The following DOCK3 variants were observed in gnomAD, a reference collection of about 807,000 sequenced individuals.
The protein encoded by DOCK3 is dedicator of cytokinesis 3.
Under a neutral mutation model 265.6 loss-of-function variants are expected in DOCK3, and 60 were observed. That is an observed-to-expected ratio of 0.23 (90% CI 0.18 to 0.28). The LOEUF (loss-of-function observed/expected upper bound fraction) is 0.28. Ranked by LOEUF, DOCK3 falls within the 10% of genes least tolerant of loss-of-function variation. The pLI is 1.00. For synonymous variants in DOCK3, 881 were observed against 938.0 expected, an observed-to-expected ratio of 0.94 and a Z score of 1.11; for missense variants, 1,981 against 2,594.3, an observed-to-expected ratio of 0.76 and a Z score of 5.14.
chr3:50,760,837 A>G (rs2040484278), intron 1 of DOCK3, among the ~76,000 whole-genome samples: 1 of 150,892 alleles, frequency 6.6e-6, no homozygotes, highest in Non-Finnish European at 1.5e-5. Context: ...GGCGGAGTGC[A>G]ATGGCGTGAT....
chr3:51,355,121 GT>G (rs1207908201), intron 41 of DOCK3, 98 bp downstream of exon 41: 2 of 1,470,748 alleles, frequency 1.4e-6, no homozygotes, highest in African/African-American at 2.8e-5. Flanking sequence ...AACCATACAG[GT>G]TTAGATATCC....
chr3:50,736,696 CTTTTT>C (rs200155311), intron 1 of DOCK3, among the ~76,000 whole-genome samples: 1 of 128,374 alleles, frequency 7.8e-6, no homozygotes. Flanking sequence ...GCATAAATGT[CTTTTT>C]TTTTTTTTTT....
Position 51,359,640 on chromosome 3 carries a change from T to G in DOCK3, c.4885-871T>G, listed in dbSNP as rs2086595998. On this transcript the variant is annotated intron_variant, in intron 46 of 52. Transcript: ENST00000266037. The surrounding 1 kb of genome is among the most constrained non-coding windows in gnomAD (Gnocchi z 4.8). ...GCCAGTGAGGAGGTTCTCTGCCATG[T>G]GGGTTGCAGCAAAAAGCACAAAACA... Among the ~76,000 whole-genome samples, 1 of 152,200 alleles carries G rather than the reference T, an allele frequency of 6.6e-6. No individual in the cohort carries two copies. Among genetic ancestry groups the G allele is most frequent in the African/African-American group, 2.4e-5 (1 of 41,446 alleles).
chr3:51,205,012 G>C (rs1436287842), intron 12 of DOCK3, among the ~76,000 whole-genome samples: 8 of 148,256 alleles, frequency 5.4e-5, no homozygotes. Context: ...TCTGGGGACT[G>C]TTGTGGGGTG....
intron 1 of DOCK3, among the ~76,000 whole-genome samples, chr3:50,719,159 C>CT (rs576930358): frequency 2.3e-4 from 35 of 149,258 alleles, no homozygotes; most frequent in East Asian, 5.9e-4. Flanking sequence ...CTTGTATTCT[C>CT]TTTTTTTTTA....
intron 12 of DOCK3, among the ~76,000 whole-genome samples, chr3:51,200,790 C>A (rs1301746794): frequency 6.6e-6 from 1 of 151,982 alleles, no homozygotes; most frequent in African/African-American, 2.4e-5. Context: ...TCGGGTTACC[C>A]ACAAAGGGAA....
chr3:50,861,137 G>A (rs2046889576), intron 3 of DOCK3, among the ~76,000 whole-genome samples: 1 of 152,154 alleles, frequency 6.6e-6, no homozygotes, highest in Admixed American at 6.5e-5. Flanking sequence ...ACTTTGCTGG[G>A]TGGTGGAGGA....
chr3:50,777,192 C>T (rs2041653226), intron 1 of DOCK3, among the ~76,000 whole-genome samples: 1 of 152,072 alleles, frequency 6.6e-6, no homozygotes, highest in Admixed American at 6.6e-5. Context: ...AGAGCCAAAC[C>T]ATATCAGTGT....
At chr3:50,896,128 C>T (rs1269030128) in intron 4 of DOCK3, among the ~76,000 whole-genome samples, 3 of 152,168 alleles carry the variant, frequency 2.0e-5, no homozygotes, top group Non-Finnish European at 4.4e-5. Context: ...CTAATTTACA[C>T]TCCCACGAAC....
chr3:50,687,942 A>G (rs1369020182), intron 1 of DOCK3, among the ~76,000 whole-genome samples: 1 of 152,228 alleles, frequency 6.6e-6, no homozygotes. Flanking sequence ...TGCCTTGTCA[A>G]CATTGCTGGA....
At chr3:51,171,133 T>C (rs1249497742) in intron 12 of DOCK3, among the ~76,000 whole-genome samples, 1 of 152,140 alleles carries the variant, frequency 6.6e-6, no homozygotes, top group Non-Finnish European at 1.5e-5. Flanking sequence ...AGATATAACA[T>C]TACATTATTT....
intron 22 of DOCK3, among the ~76,000 whole-genome samples, chr3:51,258,267 T>A (rs1433774394): frequency 6.6e-6 from 1 of 152,208 alleles, no homozygotes; most frequent in Non-Finnish European, 1.5e-5. Context: ...TAGATTTGCC[T>A]ACCTCTCAGG....
At chr3:50,715,338 C>T (rs965731639) in intron 1 of DOCK3, among the ~76,000 whole-genome samples, 1 of 152,028 alleles carries the variant, frequency 6.6e-6, no homozygotes, top group Admixed American at 6.6e-5. Context: ...ATCACTTGAG[C>T]CCAGGAGTTT....
chr3:51,073,672 A>T (rs1009243307), intron 6 of DOCK3, among the ~76,000 whole-genome samples: 8 of 152,150 alleles, frequency 5.3e-5, no homozygotes, highest in African/African-American at 1.9e-4. Flanking sequence ...TGGTTCAAAA[A>T]TTTTTTCTCT....
chr3:50,763,968 T>A (rs541918879), intron 1 of DOCK3, among the ~76,000 whole-genome samples: 1 of 152,342 alleles, frequency 6.6e-6, no homozygotes, highest in Admixed American at 6.5e-5. Context: ...TCAGGACATA[T>A]TTCTTTGTTT....
At chr3:51,145,472 ATT>A (rs1236883421) in intron 9 of DOCK3, among the ~76,000 whole-genome samples, 1 of 152,104 alleles carries the variant, frequency 6.6e-6, no homozygotes, top group Non-Finnish European at 1.5e-5. Context: ...GAGCTGTAAC[ATT>A]TTTTAAGACC....
At chr3:50,696,673 T>C (rs114318273) in intron 1 of DOCK3, among the ~76,000 whole-genome samples, 1,772 of 152,184 alleles carry the variant, frequency 0.012, 15 homozygotes, top group Non-Finnish European at 0.015. Flanking sequence ...TTAGTGATAC[T>C]TTTTTGGGGG....
chr3:50,704,729 T>C (rs2036276463), intron 1 of DOCK3, among the ~76,000 whole-genome samples: 1 of 151,634 alleles, frequency 6.6e-6, no homozygotes, highest in South Asian at 2.1e-4. Context: ...GGGTTCAGGC[T>C]ATTCTCCTGC....
chr3:50,840,312 A>G (rs2045757250), intron 2 of DOCK3, among the ~76,000 whole-genome samples: 1 of 151,814 alleles, frequency 6.6e-6, no homozygotes, highest in African/African-American at 2.4e-5. Context: ...GGTTACTTAG[A>G]TTTTCTCCTG....
Sources: gnomAD v4.1 joint callset for allele counts (sites outside exome capture counted in the v4.1 genomes callset) on GRCh38, gnomAD v4.1.1 for gene constraint, Gnocchi (gnomAD v3.1) non-coding constraint, MANE v1.5 for transcripts, NCBI Gene and HGNC (gene_info 2026-07-23, HGNC 2026-07-21) for gene names.